KIF21A: variants seen among roughly 807,000 people sequenced by gnomAD.
The protein encoded by KIF21A is kinesin-like protein KIF21A.
A neutral mutation model predicts 202.9 loss-of-function variants in KIF21A; 114 were observed. That is an observed-to-expected ratio of 0.56 (90% CI 0.48 to 0.66). The LOEUF (loss-of-function observed/expected upper bound fraction) is 0.66, where lower values mean the gene tolerates loss of function less well. KIF21A is among the 30% of genes least tolerant of loss of function. KIF21A has a pLI of 0.00. For synonymous variants in KIF21A, 667 were observed against 670.8 expected (o/e 0.99, Z 0.09); for missense variants, 1,677 against 1,994.9 (o/e 0.84, Z 3.04).
chr12:39,326,134 T>C (rs1945884309), intron 25 of KIF21A, 130 bp downstream of exon 25: 1 of 776,838 alleles, frequency 1.3e-6, no homozygotes, highest in Admixed American at 2.1e-5. Context: ...CTATTTACTG[T>C]TTCTAAGTGC....
intron 1 of KIF21A, among the ~76,000 whole-genome samples, chr12:39,386,518 T>C (rs541919778): frequency 6.6e-6 from 1 of 152,310 alleles, no homozygotes; most frequent in African/African-American, 2.4e-5. Flanking sequence ...CCAGAAGTAG[T>C]TGCCACCTAA....
intron 1 of KIF21A, among the ~76,000 whole-genome samples, chr12:39,430,393 C>T (rs1478701205): frequency 1.3e-5 from 2 of 151,812 alleles, no homozygotes; most frequent in Admixed American, 6.6e-5. Context: ...TAGTGAAACC[C>T]TGTCTCTACT....
chr12:39,330,392 T>G (rs560721214), intron 23 of KIF21A, 130 bp from the exon 24 acceptor site: 2 of 809,868 alleles, frequency 2.5e-6, no homozygotes, highest in East Asian at 5.0e-5. Flanking sequence ...AGCAAACACT[T>G]ATAAGTTTAT....
intron 6 of KIF21A, among the ~76,000 whole-genome samples, chr12:39,364,520 T>TA (rs1949471880): frequency 6.6e-6 from 1 of 152,156 alleles, no homozygotes; most frequent in African/African-American, 2.4e-5. Context: ...TCAAGATGAG[T>TA]ATTGGAGTTG....
chr12:39,399,935 C>T (rs940936973), intron 1 of KIF21A, among the ~76,000 whole-genome samples: 1 of 152,146 alleles, frequency 6.6e-6, no homozygotes, highest in Non-Finnish European at 1.5e-5. Context: ...TTACATCTTA[C>T]TGAAATTAAA....
rs374471676 is a variant in KIF21A, at chr12:39,301,722, C to G, written c.4732-43G>C. ...AAATCAGCAGCTTAAGGAGAGCTTC[C>G]AAACTGACATTTTCACATGAAAATA... On this transcript the variant is annotated intron_variant, in intron 36 of 37. Coordinates refer to ENST00000361418, the MANE Select transcript of KIF21A (RefSeq NM_001173464.2). 4.0e-5 allele frequency: 59 copies of G among 1,490,498 alleles called. No homozygotes were observed. The African/African-American group carries it at 8.0e-4, about 20-fold the overall frequency. The allele number at this position is 1,490,498 out of a possible 1,614,324, so 92.3% of individuals were successfully genotyped here.
chr12:39,391,738 T>C (rs975458788), intron 1 of KIF21A, among the ~76,000 whole-genome samples: 2 of 151,636 alleles, frequency 1.3e-5, no homozygotes, highest in Non-Finnish European at 2.9e-5. Flanking sequence ...ATTTTCGTTG[T>C]TGTTGTTGTT....
intron 6 of KIF21A, among the ~76,000 whole-genome samples, chr12:39,365,692 G>C (rs1410747550): frequency 1.3e-5 from 2 of 152,180 alleles, no homozygotes; most frequent in Non-Finnish European, 2.9e-5. Flanking sequence ...TACTTTGAAG[G>C]TCTTCACCCA....
At chr12:39,408,096 GA>G (rs999429086) in intron 1 of KIF21A, among the ~76,000 whole-genome samples, 7 of 151,786 alleles carry the variant, frequency 4.6e-5, no homozygotes, top group Non-Finnish European at 1.0e-4. Flanking sequence ...GAATGGAGAA[GA>G]AAAAAATATA....
intron 6 of KIF21A, among the ~76,000 whole-genome samples, chr12:39,363,789 G>A (rs183680003): frequency 7.9e-5 from 12 of 152,168 alleles, no homozygotes; most frequent in East Asian, 3.9e-4. Flanking sequence ...AGGCCAAGGT[G>A]GGGGGATCAC....
At chr12:39,362,894 A>G (rs1349084914) in intron 7 of KIF21A, among the ~76,000 whole-genome samples, 4 of 152,220 alleles carry the variant, frequency 2.6e-5, no homozygotes, top group South Asian at 2.1e-4. Flanking sequence ...TAGAATAATA[A>G]TACCTACACC....
intron 1 of KIF21A, among the ~76,000 whole-genome samples, chr12:39,425,501 A>G (rs530061443): frequency 6.6e-6 from 1 of 152,362 alleles, no homozygotes; most frequent in East Asian, 1.9e-4. Flanking sequence ...AACAAGAAAT[A>G]AAAGAGCCTA....
At position 39,408,615 on chromosome 12, in the gene KIF21A, T is replaced by C. The variant is rs113772192; in HGVS notation, c.44+34312A>G. 2.6e-3 allele frequency among the ~76,000 whole-genome samples: 402 copies of C among 152,312 alleles called. 3 individuals are homozygous for C. The highest frequency in any genetic ancestry group is 8.9e-3 in the African/African-American group (368 of 41,566). Reference sequence around the variant, plus strand: ...TCAGGAACTCATTGAATAGGTTTAATAGCAGCTTGGACAAAGAAGATGTGT... The same window carrying C: ...TCAGGAACTCATTGAATAGGTTTAACAGCAGCTTGGACAAAGAAGATGTGT... On this transcript the variant is annotated intron_variant, in intron 1 of 37. Transcript: ENST00000361418.
At chr12:39,414,067 T>A (rs1427804750) in intron 1 of KIF21A, among the ~76,000 whole-genome samples, 1 of 152,238 alleles carries the variant, frequency 6.6e-6, no homozygotes, top group Non-Finnish European at 1.5e-5. Flanking sequence ...AGGGTTCAGA[T>A]GTACTCTAGT....
intron 24 of KIF21A, among the ~76,000 whole-genome samples, chr12:39,328,671 T>C (rs1946201161): frequency 6.6e-6 from 1 of 152,076 alleles, no homozygotes; most frequent in East Asian, 1.9e-4. Flanking sequence ...CCTCATTCCA[T>C]GTCATGAACT....
chr12:39,341,134 C>T (rs1355133081), intron 14 of KIF21A, 40 bp from the exon 15 acceptor site: 2 of 1,413,526 alleles, frequency 1.4e-6, no homozygotes. Context: ...TGGTGCTAGG[C>T]CAAAATATCA....
intron 36 of KIF21A, among the ~76,000 whole-genome samples, chr12:39,302,548 A>G (rs964516238): frequency 2.0e-5 from 3 of 152,224 alleles, no homozygotes; most frequent in Admixed American, 1.3e-4. Context: ...CACCACTCTT[A>G]GATGCATGAA....
intron 32 of KIF21A, 145 bp downstream of exon 32, chr12:39,311,272 T>A: frequency 1.4e-6 from 1 of 713,290 alleles, no homozygotes; most frequent in East Asian, 2.8e-5. Flanking sequence ...GCAATAATTT[T>A]ATATATTTTA....
intron 30 of KIF21A, among the ~76,000 whole-genome samples, 159 bp from the exon 31 acceptor site, chr12:39,315,399 AT>A (rs1356191834): frequency 6.6e-6 from 1 of 152,016 alleles, no homozygotes; most frequent in African/African-American, 2.4e-5. Context: ...AATAACAGTT[AT>A]TTTTAAAGCT....
Sources: allele counts gnomAD v4.1 joint callset (sites outside exome capture counted in the v4.1 genomes callset), GRCh38; gene constraint gnomAD v4.1.1; transcripts MANE v1.5; gene names NCBI Gene and HGNC (gene_info 2026-07-23, HGNC 2026-07-21).